PRKAG2: variants seen among roughly 807,000 people sequenced by gnomAD.
The protein encoded by PRKAG2 is protein kinase AMP-activated non-catalytic subunit gamma 2, also known as 5'-AMP-activated protein kinase subunit gamma-2.
Under a neutral mutation model 69.6 loss-of-function variants are expected in PRKAG2, and 26 were observed. The observed-to-expected ratio is 0.37, with a 90% CI of 0.27 to 0.52. The LOEUF (loss-of-function observed/expected upper bound fraction) is 0.52, where lower values mean the gene tolerates loss of function less well. PRKAG2 is among the 20% of genes least tolerant of loss of function. The probability of loss-of-function intolerance (pLI) is 0.90; values close to 1 mark genes in which losing one functional copy is unlikely to be tolerated. For missense variants in PRKAG2, 557 were observed against 740.0 expected, an observed-to-expected ratio of 0.75 and a Z score of 2.87; for synonymous variants, 293 against 285.0, an observed-to-expected ratio of 1.03 and a Z score of -0.28.
chr7:151,683,386 T>C (rs1834177177), intron 3 of PRKAG2, among the ~76,000 whole-genome samples: 1 of 152,204 alleles, frequency 6.6e-6, no homozygotes, highest in South Asian at 2.1e-4. Flanking sequence ...TGCCATGGGC[T>C]CTGGGACAAA....
chr7:151,605,705 C>T (rs531976747), intron 5 of PRKAG2, among the ~76,000 whole-genome samples: 14 of 152,118 alleles, frequency 9.2e-5, no homozygotes, highest in Admixed American at 3.3e-4. Context: ...TTTGGGAGGC[C>T]GAGGTGGGTG....
intron 3 of PRKAG2, among the ~76,000 whole-genome samples, chr7:151,700,486 C>A (rs1260959686): frequency 6.6e-6 from 1 of 152,202 alleles, no homozygotes. Context: ...CGAATTTTGG[C>A]AAGAATCAGG....
At chr7:151,810,639 C>CAGTA (rs2078370915) in intron 1 of PRKAG2, 1 of 153,432 alleles carries the variant, frequency 6.5e-6, no homozygotes, top group Non-Finnish European at 1.5e-5. Flanking sequence ...GTACCCGCAG[C>CAGTA]CCCGCCAAGC....
At position 151,557,046 on chromosome 7, in the gene PRKAG2, C is replaced by A. The variant is rs548440766; in HGVS notation, c.*155G>T. 8.5e-6 allele frequency: 11 copies of A among 1,296,940 alleles called. No individual in the cohort carries two copies. The highest frequency in any genetic ancestry group is 4.7e-5 in the East Asian group (2 of 42,616). The allele number at this position is 1,296,940 out of a possible 1,614,324, so 80.3% of individuals were successfully genotyped here. On this transcript the variant is annotated 3_prime_UTR_variant, in exon 16 of 16. Coordinates refer to ENST00000287878, the MANE Select transcript of PRKAG2 (RefSeq NM_016203.4). Reference sequence around the variant, plus strand: ...GAATCTTCAAGCACATAAAATCTTTCTTTTTTAAGCTTAATTTCAACATCA... The same window carrying A: ...GAATCTTCAAGCACATAAAATCTTTATTTTTTAAGCTTAATTTCAACATCA...
intron 1 of PRKAG2, among the ~76,000 whole-genome samples, chr7:151,845,717 G>A (rs985784135): frequency 6.6e-6 from 1 of 152,216 alleles, no homozygotes; most frequent in Admixed American, 6.5e-5. Context: ...AATGCTGAGG[G>A]CGGCAGGTAG....
intron 6 of PRKAG2, among the ~76,000 whole-genome samples, chr7:151,589,595 T>A (rs1001743531): frequency 1.3e-5 from 2 of 152,252 alleles, no homozygotes; most frequent in African/African-American, 4.8e-5. Flanking sequence ...TCTGTTCAAA[T>A]AACTGGTGTG....
chr7:151,827,915 T>C (rs1363724121), intron 1 of PRKAG2, among the ~76,000 whole-genome samples: 2 of 152,318 alleles, frequency 1.3e-5, no homozygotes, highest in Non-Finnish European at 2.9e-5. Flanking sequence ...GGCGCTTCCC[T>C]GGGTTCCAGC....
In PRKAG2 at chr7:151,781,442, A is replaced by C. The variant is rs1479224749; in HGVS notation, c.187-11T>G. ...GAAGGGGCTGTCCACCTGCAGAAAA[A>C]CAGACGAATGGATGCAGTCACTCCA... On this transcript the variant is annotated splice_polypyrimidine_tract_variant and intron_variant, in intron 2 of 15. Transcript: ENST00000287878. The surrounding 1 kb of genome is among the most constrained non-coding windows in gnomAD (Gnocchi z 6.1). 1 of 1,598,666 alleles carries C rather than the reference A, an allele frequency of 6.3e-7. No individual in the cohort carries two copies. Among genetic ancestry groups the C allele is most frequent in the Admixed American group, 1.7e-5 (1 of 57,638 alleles).
intron 5 of PRKAG2, among the ~76,000 whole-genome samples, chr7:151,598,295 G>A (rs1277422859): frequency 6.6e-6 from 1 of 152,144 alleles, no homozygotes; most frequent in East Asian, 1.9e-4. Flanking sequence ...ACCAGAGGCT[G>A]GGGAGGGAAT....
intron 1 of PRKAG2, among the ~76,000 whole-genome samples, chr7:151,866,323 C>A (rs1327526794): frequency 6.6e-6 from 1 of 152,218 alleles, no homozygotes; most frequent in East Asian, 1.9e-4. Flanking sequence ...CAAGACACAA[C>A]AGAGACTTTT....
At position 151,807,058 on chromosome 7, in the gene PRKAG2, A is replaced by G. The variant is rs1241444652; in HGVS notation, c.115-20517T>C. On this transcript the variant is annotated intron_variant, in intron 1 of 15. Coordinates refer to ENST00000287878, the MANE Select transcript of PRKAG2 (RefSeq NM_016203.4). The surrounding 1 kb of genome is among the most constrained non-coding windows in gnomAD (Gnocchi z 4.4). The stretch of plus-strand genomic sequence containing the variant: ...AAAGGTAAGACATGGACCCACCCTC[A>G]AGTCTGAAGGTGGAGGTGGGGAAGG... 2.3e-6 allele frequency: 1 copy of G among 436,270 alleles called. No homozygotes were observed. The highest frequency in any genetic ancestry group is 4.6e-6 in the Non-Finnish European group (1 of 219,472). The allele number at this position is 436,270 out of a possible 1,614,324, so 27.0% of individuals were successfully genotyped here. A position where few individuals can be genotyped will look rare whatever the true frequency, so the allele number is the denominator to read the frequency against.
chr7:151,656,025 C>G (rs1007212259), intron 4 of PRKAG2, among the ~76,000 whole-genome samples: 5 of 152,070 alleles, frequency 3.3e-5, no homozygotes, highest in Non-Finnish European at 7.4e-5. Flanking sequence ...TGTTTGAAAC[C>G]CTGGAATTTT....
chr7:151,577,991 T>C (rs890404953), intron 6 of PRKAG2, among the ~76,000 whole-genome samples: 1 of 146,314 alleles, frequency 6.8e-6, no homozygotes, highest in Non-Finnish European at 1.5e-5. Flanking sequence ...GGTATGGTTA[T>C]GTTTTTTTTT....
intron 1 of PRKAG2, among the ~76,000 whole-genome samples, chr7:151,801,842 GT>G (rs1048358367): frequency 2.0e-5 from 3 of 152,176 alleles, no homozygotes; most frequent in African/African-American, 7.2e-5. Context: ...TTGCGTCTTT[GT>G]TTTTTCAAAC....
At chr7:151,723,471 T>C (rs1248770328) in intron 3 of PRKAG2, among the ~76,000 whole-genome samples, 1 of 152,244 alleles carries the variant, frequency 6.6e-6, no homozygotes, top group African/African-American at 2.4e-5. Flanking sequence ...AAGAACATGG[T>C]GGCGAACTGG....
At chr7:151,604,634 TCACACA>T (rs1228005839) in intron 5 of PRKAG2, among the ~76,000 whole-genome samples, 141 of 152,124 alleles carry the variant, frequency 9.3e-4, no homozygotes, top group Non-Finnish European at 1.4e-3. Flanking sequence ...CAAGACTCTG[TCACACA>T]CACATACACA....
At chr7:151,871,562 C>A (rs777387202) in intron 1 of PRKAG2, among the ~76,000 whole-genome samples, 1 of 152,250 alleles carries the variant, frequency 6.6e-6, no homozygotes, top group East Asian at 1.9e-4. Context: ...CAAGGCGACA[C>A]CTTCGTTAGG....
chr7:151,632,650 G>T lies in PRKAG2; in HGVS notation c.685-512C>A, dbSNP rs1020648690. On this transcript the variant is annotated intron_variant, in intron 4 of 15. Coordinates refer to ENST00000287878, the MANE Select transcript of PRKAG2 (RefSeq NM_016203.4). The surrounding 1 kb of genome is among the most constrained non-coding windows in gnomAD (Gnocchi z 4.2). ...CCGCGGCGCGGGGAGGGGGAGAGGG[G>T]CTGGAGGCTGCAGAACGCCCCGGGG... The T allele has an allele frequency of 2.3e-4, 229 of 977,344 alleles. No homozygotes were observed. The highest frequency in any genetic ancestry group is 2.8e-4 in the Non-Finnish European group (227 of 822,770). The allele number at this position is 977,344 out of a possible 1,614,324, so 60.5% of individuals were successfully genotyped here. A position where few individuals can be genotyped will look rare whatever the true frequency, so the allele number is the denominator to read the frequency against.
intron 5 of PRKAG2, among the ~76,000 whole-genome samples, chr7:151,618,525 G>A (rs944799083): frequency 6.6e-6 from 1 of 152,002 alleles, no homozygotes. Flanking sequence ...AGCACTTTGG[G>A]AGGCCGAAGC....
Sources: allele counts gnomAD v4.1 joint callset (sites outside exome capture counted in the v4.1 genomes callset), GRCh38; gene constraint gnomAD v4.1.1; non-coding constraint Gnocchi (gnomAD v3.1); transcripts MANE v1.5; gene names NCBI Gene and HGNC (gene_info 2026-07-23, HGNC 2026-07-21).